The following DOT1L variants were observed in gnomAD, a reference collection of about 807,000 sequenced individuals.
DOT1L encodes the protein histone-lysine N-methyltransferase, H3 lysine-79 specific.
Under a neutral mutation model 153.3 loss-of-function variants are expected in DOT1L, and 33 were observed. The observed-to-expected ratio is 0.22, with a 90% CI of 0.16 to 0.29. The LOEUF is 0.29. Among genes scored for constraint, DOT1L ranks in the 10% least tolerant of loss-of-function variants. The pLI is 1.00. For synonymous variants in DOT1L, 1,135 were observed against 965.1 expected (o/e 1.18, Z -3.26); for missense variants, 1,847 against 2,119.9 (o/e 0.87, Z 2.53).
intron 6 of DOT1L, among the ~76,000 whole-genome samples, chr19:2,194,066 C>G (rs555482863): frequency 2.0e-5 from 3 of 152,350 alleles, no homozygotes; most frequent in East Asian, 1.9e-4. Context: ...AGGTGCTCAG[C>G]TCTACCTCGT....
rs147909264 is a variant in DOT1L, at chr19:2,214,682, C to T, written c.1923+86C>T. 284 of 1,526,210 alleles carry T rather than the reference C, an allele frequency of 1.9e-4. No homozygotes were observed. In the African/African-American group the frequency reaches 2.4e-3, roughly 13 times the overall value. 94.5% of individuals were successfully genotyped at this position (1,526,210 alleles called of 1,614,324 possible). ...GACGTCGTTGAGCCTAGGGTGGTTGCGGTTGCAGCAGCCTAGGAAGAAGGT... is the reference window on the plus strand; with the variant it reads ...GACGTCGTTGAGCCTAGGGTGGTTGTGGTTGCAGCAGCCTAGGAAGAAGGT... On this transcript the variant is annotated intron_variant, in intron 19 of 27. Transcript: ENST00000398665.
chr19:2,164,488 G>C, intron 1 of DOT1L: 1 of 323,142 alleles, frequency 3.1e-6, no homozygotes. Context: ...AGCGGGAGCC[G>C]GCGCCCCCGA....
At chr19:2,202,654 C>G (rs761826161) in intron 8 of DOT1L, 46 bp from the exon 9 acceptor site, 2 of 1,588,618 alleles carry the variant, frequency 1.3e-6, no homozygotes, top group African/African-American at 2.7e-5. Context: ...TGGCTGTGCC[C>G]GTGAGACGAG....
Position 2,232,282 on chromosome 19 carries a change from CCTTAA to C in DOT1L, c.*2491_*2495del, listed in dbSNP as rs2024635849. ...CACAGTGACTTATTTAAGACTTCCC[CCTTAA>C]TTTATCTGCCCCCAGGATGCGTCAG... On this transcript the variant is annotated 3_prime_UTR_variant, in exon 28 of 28. Transcript: ENST00000398665. The C allele has an allele frequency of 4.6e-6, 1 of 216,632 alleles. No homozygotes were observed. 13.4% of individuals were successfully genotyped at this position (216,632 alleles called of 1,614,324 possible). A position where few individuals can be genotyped will look rare whatever the true frequency, so the allele number is the denominator to read the frequency against.
At chr19:2,171,030 T>A (rs768052861) in intron 1 of DOT1L, among the ~76,000 whole-genome samples, 13 of 152,238 alleles carry the variant, frequency 8.5e-5, no homozygotes, top group Non-Finnish European at 1.8e-4. Flanking sequence ...TGGCTCGATA[T>A]CTGCTGACTG....
intron 23 of DOT1L, chr19:2,221,596 A>AG: frequency 4.1e-6 from 1 of 244,696 alleles, no homozygotes; most frequent in Non-Finnish European, 7.9e-6. Context: ...AACAGGAGGG[A>AG]GGGAGGCCAC....
intron 25 of DOT1L, among the ~76,000 whole-genome samples, chr19:2,224,004 GC>G (rs1038224065): frequency 1.4e-4 from 21 of 151,728 alleles, no homozygotes; most frequent in African/African-American, 4.6e-4. Flanking sequence ...GGCACCCCCC[GC>G]CCCCATCCTA....
chr19:2,232,287 A>G lies in DOT1L; in HGVS notation c.*2495A>G. The G allele has an allele frequency of 4.8e-6, 1 of 207,040 alleles. No homozygotes were observed. Among genetic ancestry groups the G allele is most frequent in the Non-Finnish European group, 9.8e-6 (1 of 101,856 alleles). 12.8% of individuals were successfully genotyped at this position (207,040 alleles called of 1,614,324 possible). ...TGACTTATTTAAGACTTCCCCCTTAATTTATCTGCCCCCAGGATGCGTCAG... is the reference window on the plus strand; with the variant it reads ...TGACTTATTTAAGACTTCCCCCTTAGTTTATCTGCCCCCAGGATGCGTCAG... On this transcript the variant is annotated 3_prime_UTR_variant, in exon 28 of 28. Transcript: ENST00000398665.
intron 1 of DOT1L, among the ~76,000 whole-genome samples, chr19:2,171,974 G>T (rs1321585024): frequency 6.6e-6 from 1 of 152,140 alleles, no homozygotes; most frequent in African/African-American, 2.4e-5. Context: ...TGGTATCTCA[G>T]ACTCCAGGGA....
At position 2,216,999 on chromosome 19, in the gene DOT1L, G is replaced by C. The variant is rs768978410; in HGVS notation, c.2453G>C (p.Ser818Thr). ...KENGLPYQSP[S>T]VPGSMKLSPQ... ...AACGGCCTTCCCTACCAGAGCCCCAGCGTGCCTGGCAGCATGAAGCTGAGC... is the reference window on the plus strand; with the variant it reads ...AACGGCCTTCCCTACCAGAGCCCCACCGTGCCTGGCAGCATGAAGCTGAGC... The change falls in exon 21 of 28, where the codon AGC becomes ACC. Residue 818 changes from serine to threonine, a missense_variant. By Grantham distance (58) the Ser-to-Thr change is moderately conservative. Around this residue, in one of 8 missense-constraint regions of DOT1L, gnomAD observed 281 missense variants for 263.6 expected, o/e 1.07. Coordinates refer to ENST00000398665, the MANE Select transcript of DOT1L (RefSeq NM_032482.3). 1.9e-6 allele frequency: 3 copies of C among 1,613,038 alleles called. No homozygotes were observed. The South Asian group carries it at 3.3e-5, about 18-fold the overall frequency.
rs905151275 is a variant in DOT1L, at chr19:2,225,284, C to T, written c.3597-104C>T. Reference sequence around the variant, plus strand: ...TCCCCTGTCTGGGCCGAGTGCTTCTCGTTCACCACCTCCGGAGCTCCCTGG... The same window carrying T: ...TCCCCTGTCTGGGCCGAGTGCTTCTTGTTCACCACCTCCGGAGCTCCCTGG... On this transcript the variant is annotated intron_variant, in intron 25 of 27. Coordinates refer to ENST00000398665, the MANE Select transcript of DOT1L (RefSeq NM_032482.3). 104 of 1,163,712 alleles carry T rather than the reference C, an allele frequency of 8.9e-5. 1 individual carries two copies. Among genetic ancestry groups the T allele is most frequent in the African/African-American group, 7.3e-4 (48 of 65,308 alleles). 72.1% of individuals were successfully genotyped at this position (1,163,712 alleles called of 1,614,324 possible).
In DOT1L at chr19:2,226,412, C is replaced by A; in HGVS notation, c.3891C>A (p.Pro1297=). The part of the protein sequence containing the change: ...KLAAHPRKGF[P]GSLSGADGLS... ...CCGCTCACCCCAGGAAAGGCTTTCCCGGCTCCCTGTCGGGGGCTGACGGAC... is the reference window on the plus strand; with the variant it reads ...CCGCTCACCCCAGGAAAGGCTTTCCAGGCTCCCTGTCGGGGGCTGACGGAC... The change falls in exon 27 of 28, where the codon CCC becomes CCA. Residue 1297 remains proline, a synonymous_variant. Coordinates refer to ENST00000398665, the MANE Select transcript of DOT1L (RefSeq NM_032482.3). The A allele has an allele frequency of 3.1e-6, 5 of 1,598,534 alleles. No homozygotes were observed. In the East Asian group the frequency reaches 1.1e-4, roughly 36 times the overall value.
intron 13 of DOT1L, 25 bp downstream of exon 13, chr19:2,210,535 T>C (rs1480183450): frequency 1.9e-6 from 3 of 1,589,290 alleles, no homozygotes; most frequent in Non-Finnish European, 2.6e-6. Context: ...TGGCTCCTGC[T>C]GCTGGAGGGC....
intron 3 of DOT1L, among the ~76,000 whole-genome samples, chr19:2,187,155 A>G (rs2022550460): frequency 6.6e-6 from 1 of 152,084 alleles, no homozygotes; most frequent in South Asian, 2.1e-4. Flanking sequence ...CTTCCTTACA[A>G]CAGAAGACAC....
rs770155759 is a variant in DOT1L at position 2,222,448 on chromosome 19, T to C, written c.3279T>C (p.Ser1093=). 6.8e-6 allele frequency: 11 copies of C among 1,608,376 alleles called. No individual in the cohort carries two copies. In the African/African-American group the frequency reaches 9.3e-5, roughly 14 times the overall value. The change falls in exon 24 of 28, where the codon TCT becomes TCC. Residue 1093 remains serine (S), a synonymous_variant. Coordinates refer to ENST00000398665, the MANE Select transcript of DOT1L (RefSeq NM_032482.3). This position sits in a 1 kb window ranked among gnomAD's most constrained non-coding sequence, Gnocchi z 6.5. ...GGCGCGGCCGGCGGAAGCGAGCATC[T>C]GCGGGGACGCCCAGCTTGAGCGCAG... ...SRRRGRRKRA[S]AGTPSLSAGV...
chr19:2,218,065 G>A (rs1480046761), intron 22 of DOT1L, 147 bp downstream of exon 22: 3 of 1,186,264 alleles, frequency 2.5e-6, no homozygotes, highest in East Asian at 2.6e-5. Flanking sequence ...TCCAAAGCCG[G>A]GGCGTGTCCG....
intron 25 of DOT1L, 107 bp from the exon 26 acceptor site, chr19:2,225,278 GCTT>G: frequency 9.2e-7 from 1 of 1,089,560 alleles, no homozygotes; most frequent in Non-Finnish European, 1.4e-6. Context: ...TGGGCCGAGT[GCTT>G]CTCGTTCACC....
chr19:2,192,892 G>T (rs1211296601), intron 5 of DOT1L, among the ~76,000 whole-genome samples: 1 of 152,186 alleles, frequency 6.6e-6, no homozygotes, highest in Admixed American at 6.5e-5. Context: ...TTTAGATGAT[G>T]ACGGCCTAGC....
At position 2,190,763 on chromosome 19, in the gene DOT1L, C is replaced by T. The variant is rs914177708; in HGVS notation, c.265-249C>T. ...GGTCTTGCCAGTGGGGAGAGAGGCC[C>T]GTGGCAGGAGGTGGAGCCTCCTAGG... On this transcript the variant is annotated intron_variant, in intron 4 of 27. Coordinates refer to ENST00000398665, the MANE Select transcript of DOT1L (RefSeq NM_032482.3). This position sits in a 1 kb window ranked among gnomAD's most constrained non-coding sequence, Gnocchi z 4.8. Among the ~76,000 whole-genome samples the T allele has an allele frequency of 3.3e-5, 5 of 151,878 alleles. No individual in the cohort carries two copies. Among genetic ancestry groups the T allele is most frequent in the African/African-American group, 1.2e-4 (5 of 41,312 alleles).
Sources: gnomAD v4.1 joint callset for allele counts (sites outside exome capture counted in the v4.1 genomes callset) on GRCh38, gnomAD v4.1.1 for gene constraint, gnomAD v4.1.1 regional missense constraint, Gnocchi (gnomAD v3.1) non-coding constraint, MANE v1.5 for transcripts, NCBI Gene and HGNC (gene_info 2026-07-23, HGNC 2026-07-21) for gene names.